Variants in CACNG7 observed in about 807,000 individuals in gnomAD.
CACNG7 encodes the protein voltage-dependent calcium channel gamma-7 subunit.
CACNG7 carries 9 observed loss-of-function variants against 26.3 expected under a neutral mutation model. The observed-to-expected ratio is 0.34, with a 90% CI of 0.21 to 0.60. CACNG7 has a LOEUF of 0.60. Ranked by LOEUF, CACNG7 falls within the 20% of genes least tolerant of loss-of-function variation. CACNG7 has a pLI of 0.81. For synonymous variants in CACNG7, 170 were observed against 157.0 expected, an observed-to-expected ratio of 1.08 and a Z score of -0.62; for missense variants, 297 against 380.4, an observed-to-expected ratio of 0.78 and a Z score of 1.82.
At chr19:53,930,700 G>A (rs1454502087) in intron 4 of CACNG7, among the ~76,000 whole-genome samples, 3 of 151,950 alleles carry the variant, frequency 2.0e-5, no homozygotes, top group East Asian at 3.9e-4. Context: ...TAGAGATGGT[G>A]TTTCACCATG....
intron 4 of CACNG7, among the ~76,000 whole-genome samples, chr19:53,938,133 G>A (rs2069116703): frequency 6.6e-6 from 1 of 152,074 alleles, no homozygotes; most frequent in African/African-American, 2.4e-5. Context: ...AACTGCTTGA[G>A]CTCAGGAGTT....
rs2069136035 is a variant in CACNG7, at chr19:53,941,334, A to G, written c.425-136A>G. 8 of 977,428 alleles carry G rather than the reference A, an allele frequency of 8.2e-6. No individual in the cohort carries two copies. The South Asian group carries it at 1.7e-4, about 21-fold the overall frequency. 60.5% of individuals were successfully genotyped at this position (977,428 alleles called of 1,614,324 possible). Reference sequence around the variant, plus strand: ...TCTCTGGGCTCCCTGCACCCAACCAAGGCCCAGCATACAAGGGGCTTCAGG... The same window carrying G: ...TCTCTGGGCTCCCTGCACCCAACCAGGGCCCAGCATACAAGGGGCTTCAGG... On this transcript the variant is annotated intron_variant, in intron 4 of 5. Transcript: ENST00000391767.
intron 4 of CACNG7, among the ~76,000 whole-genome samples, chr19:53,929,128 A>C (rs1295288365): frequency 3.3e-5 from 5 of 151,592 alleles, no homozygotes; most frequent in Non-Finnish European, 7.4e-5. Context: ...AAAACAAAAA[A>C]AAAAAAAAAA....
chr19:53,935,098 T>A (rs958763065), intron 4 of CACNG7, among the ~76,000 whole-genome samples: 1 of 151,708 alleles, frequency 6.6e-6, no homozygotes, highest in African/African-American at 2.4e-5. Context: ...TACACACAAA[T>A]ATATGCATAT....
intron 4 of CACNG7, 144 bp from the exon 5 acceptor site, chr19:53,941,326 C>A: frequency 1.1e-6 from 1 of 900,052 alleles, no homozygotes; most frequent in Non-Finnish European, 1.6e-6. Flanking sequence ...GCTCCCTGCA[C>A]CCAACCAAGG....
At chr19:53,923,402 T>TTGGTGGAGTTGTCCCCAGGTCTGGTAC (rs1424137081) in intron 4 of CACNG7, among the ~76,000 whole-genome samples, 4 of 138,186 alleles carry the variant, frequency 2.9e-5, no homozygotes, top group African/African-American at 1.1e-4. Flanking sequence ...AGGTCTGGTA[T>TTGGTGGAGTTGTCCCCAGGTCTGGTAC]TGGTGGAGTT....
At chr19:53,926,251 G>T (rs944522797) in intron 4 of CACNG7, among the ~76,000 whole-genome samples, 3 of 151,954 alleles carry the variant, frequency 2.0e-5, no homozygotes, top group Non-Finnish European at 4.4e-5. Context: ...TCTATGATTT[G>T]GCTACTGCTC....
At position 53,912,777 on chromosome 19, in the gene CACNG7, T is replaced by G; in HGVS notation, c.-29-26T>G. 3 of 1,585,218 alleles carry G rather than the reference T, an allele frequency of 1.9e-6. No homozygotes were observed. The highest frequency in any genetic ancestry group is 2.6e-6 in the Non-Finnish European group (3 of 1,162,970). Reference sequence around the variant, plus strand: ...AGCACTCTGGTCGGTCCCATGGAGCTCTGCACTGTAGCTTCCCTTCCACAG... The same window carrying G: ...AGCACTCTGGTCGGTCCCATGGAGCGCTGCACTGTAGCTTCCCTTCCACAG... On this transcript the variant is annotated intron_variant, in intron 1 of 5. Coordinates refer to ENST00000391767, the MANE Select transcript of CACNG7 (RefSeq NM_031896.5). This position sits in a 1 kb window ranked among gnomAD's most constrained non-coding sequence, Gnocchi z 4.6.
chr19:53,926,244 A>G (rs1362454626), intron 4 of CACNG7, among the ~76,000 whole-genome samples: 1 of 152,140 alleles, frequency 6.6e-6, no homozygotes, highest in Non-Finnish European at 1.5e-5. Context: ...AACGTCTTCT[A>G]TGATTTGGCT....
chr19:53,938,641 T>G (rs569242403), intron 4 of CACNG7, among the ~76,000 whole-genome samples: 1 of 152,238 alleles, frequency 6.6e-6, no homozygotes, highest in Non-Finnish European at 1.5e-5. Context: ...TTAAAATTAA[T>G]GTACTTTAAA....
At chr19:53,931,806 G>T (rs2069074608) in intron 4 of CACNG7, among the ~76,000 whole-genome samples, 1 of 135,856 alleles carries the variant, frequency 7.4e-6, no homozygotes, top group Non-Finnish European at 1.5e-5. Context: ...CTGTCGCCCA[G>T]GTTGGAGTGC....
intron 4 of CACNG7, among the ~76,000 whole-genome samples, chr19:53,935,241 A>C (rs2069097577): frequency 6.6e-6 from 1 of 152,090 alleles, no homozygotes; most frequent in South Asian, 2.1e-4. Context: ...ACAATAATCA[A>C]ATTCAGGAAG....
At chr19:53,941,676 T>C in intron 5 of CACNG7, 61 bp downstream of exon 5, 3 of 1,564,116 alleles carry the variant, frequency 1.9e-6, no homozygotes, top group Non-Finnish European at 2.6e-6. Flanking sequence ...GGGGGCCTGG[T>C]TCCTGAGTCC....
chr19:53,936,726 AG>A (rs1188806312), intron 4 of CACNG7, among the ~76,000 whole-genome samples: 2 of 152,146 alleles, frequency 1.3e-5, no homozygotes, highest in Non-Finnish European at 2.9e-5. Flanking sequence ...CTTGTGCTTC[AG>A]CCTCCCAGGT....
At chr19:53,922,582 C>A (rs1435006566) in intron 4 of CACNG7, among the ~76,000 whole-genome samples, 1 of 86,312 alleles carries the variant, frequency 1.2e-5, no homozygotes, top group Non-Finnish European at 2.0e-5. Flanking sequence ...GTGGAGTTGT[C>A]CCAGGACTGG....
chr19:53,942,284 G>T lies in CACNG7; in HGVS notation c.819G>T (p.Ser273=), dbSNP rs773804427. ...CGGACCACCTGCACATCTCCACCTC[G>T]CCCTGCTGAGGCCCGCCCCTCGGAG... ...KYPDHLHIST[S]PC The change falls in exon 6 of 6, where the codon TCG becomes TCT. Residue 273 remains serine (S), a synonymous_variant. Coordinates refer to ENST00000391767, the MANE Select transcript of CACNG7 (RefSeq NM_031896.5). This position sits in a 1 kb window ranked among gnomAD's most constrained non-coding sequence, Gnocchi z 5.9. The T allele has an allele frequency of 1.9e-6, 3 of 1,610,184 alleles. No individual in the cohort carries two copies. The South Asian group carries it at 3.3e-5, about 18-fold the overall frequency.
In CACNG7 at chr19:53,912,891, C is replaced by T. The variant is rs987440730; in HGVS notation, c.60C>T (p.Gly20=). 1.4e-5 allele frequency: 22 copies of T among 1,613,888 alleles called. No individual in the cohort carries two copies. Among genetic ancestry groups the T allele is most frequent in the Non-Finnish European group, 1.7e-5 (20 of 1,180,042 alleles). Residue 20 remains glycine (G), a synonymous_variant, in exon 2 of 6, where the codon GGC becomes GGT. Transcript: ENST00000391767. The surrounding 1 kb of genome is among the most constrained non-coding windows in gnomAD (Gnocchi z 4.6). ...TLLSSVFGAC[G]LLLVGIAVST... is the part of the protein sequence containing the mutation. ...TGAGCAGCGTGTTTGGTGCGTGTGG[C>T]CTGCTCCTGGTAGGCATCGCGGTCA...
chr19:53,916,239 T>C (rs1310762481), intron 4 of CACNG7, among the ~76,000 whole-genome samples: 2 of 152,210 alleles, frequency 1.3e-5, no homozygotes, highest in South Asian at 2.1e-4. Flanking sequence ...AGTTTTTTTT[T>C]CCTTCTTTTG....
intron 4 of CACNG7, among the ~76,000 whole-genome samples, chr19:53,932,761 T>C (rs1219992211): frequency 1.3e-5 from 2 of 152,146 alleles, no homozygotes; most frequent in Non-Finnish European, 2.9e-5. Context: ...AATTCCCACA[T>C]TGCAGTTTTC....
Sources: allele counts gnomAD v4.1 joint callset (sites outside exome capture counted in the v4.1 genomes callset), GRCh38; gene constraint gnomAD v4.1.1; non-coding constraint Gnocchi (gnomAD v3.1); transcripts MANE v1.5; gene names NCBI Gene and HGNC (gene_info 2026-07-23, HGNC 2026-07-21).